The following WDPCP variants were observed in gnomAD, a reference collection of about 807,000 sequenced individuals.
WDPCP encodes WD repeat-containing and planar cell polarity effector protein fritz homolog.
In WDPCP, 71 loss-of-function variants were observed where a neutral mutation model predicts 93.1. The ratio of observed to expected loss-of-function variants is 0.76; its 90% CI spans 0.63 to 0.93. The LOEUF (loss-of-function observed/expected upper bound fraction) is 0.93, where lower values mean the gene tolerates loss of function less well. WDPCP is among the 40% of genes least tolerant of loss of function. The probability of loss-of-function intolerance (pLI) is 0.00; values close to 1 mark genes in which losing one functional copy is unlikely to be tolerated. For missense variants in WDPCP, 844 were observed against 887.4 expected, an observed-to-expected ratio of 0.95 and a Z score of 0.62; for synonymous variants, 315 against 315.0, an observed-to-expected ratio of 1.00 and a Z score of 0.00.
chr2:63,377,513 ATTT>A (rs956355803), intron 12 of WDPCP, among the ~76,000 whole-genome samples: 11 of 150,870 alleles, frequency 7.3e-5, no homozygotes, highest in South Asian at 2.1e-4. Context: ...TTTAAAAATA[ATTT>A]TTTATTTTTA....
chr2:63,807,537 T>C (rs1488257433), intron 2 of WDPCP, among the ~76,000 whole-genome samples: 1 of 152,196 alleles, frequency 6.6e-6, no homozygotes, highest in African/African-American at 2.4e-5. Context: ...ACGTCTTTTC[T>C]TCATAAATTA....
chr2:63,144,505 C>T (rs1313766644), intron 17 of WDPCP, among the ~76,000 whole-genome samples: 1 of 152,218 alleles, frequency 6.6e-6, no homozygotes, highest in Non-Finnish European at 1.5e-5. Context: ...CTGCCCGCCT[C>T]ACCCTCCCAA....
chr2:63,430,793 A>T (rs536515336), intron 9 of WDPCP, among the ~76,000 whole-genome samples: 25 of 152,324 alleles, frequency 1.6e-4, no homozygotes, highest in Non-Finnish European at 2.8e-4. Context: ...GGGGCAGGAT[A>T]ATCACTTGAA....
At chr2:63,652,198 C>A (rs1375760382) in intron 2 of WDPCP, among the ~76,000 whole-genome samples, 1 of 152,178 alleles carries the variant, frequency 6.6e-6, no homozygotes, top group East Asian at 1.9e-4. Flanking sequence ...GAACATTAGC[C>A]CAGTATAAGC....
intron 9 of WDPCP, among the ~76,000 whole-genome samples, chr2:63,424,646 C>T (rs1696128645): frequency 6.6e-6 from 1 of 152,182 alleles, no homozygotes; most frequent in Non-Finnish European, 1.5e-5. Flanking sequence ...CTCAGGGGAG[C>T]CAAGCTGAGA....
At chr2:63,715,455 A>C (rs947943219) in intron 2 of WDPCP, among the ~76,000 whole-genome samples, 2 of 152,218 alleles carry the variant, frequency 1.3e-5, no homozygotes, top group Non-Finnish European at 2.9e-5. Context: ...ATGAGAAGCT[A>C]CTTTAGCTAC....
chr2:63,535,766 A>AAAACCTAGG (rs1704229448), intron 1 of WDPCP, among the ~76,000 whole-genome samples: 1 of 152,238 alleles, frequency 6.6e-6, no homozygotes, highest in African/African-American at 2.4e-5. Flanking sequence ...GCCCTAGAAG[A>AAAACCTAGG]AAACCTAGGC....
intron 15 of WDPCP, among the ~76,000 whole-genome samples, chr2:63,165,888 A>G (rs553231878): frequency 3.3e-5 from 5 of 151,522 alleles, no homozygotes; most frequent in South Asian, 2.1e-4. Context: ...TTGTTGTTTC[A>G]AAAACATTTG....
intron 14 of WDPCP, among the ~76,000 whole-genome samples, chr2:63,175,162 T>G (rs903681318): frequency 2.0e-5 from 3 of 152,154 alleles, no homozygotes. Context: ...CTTGGAATAT[T>G]GCAGGAAGTG....
At chr2:63,410,767 T>C (rs905603133) in intron 9 of WDPCP, among the ~76,000 whole-genome samples, 1 of 152,148 alleles carries the variant, frequency 6.6e-6, no homozygotes, top group Non-Finnish European at 1.5e-5. Flanking sequence ...AAATAAACTT[T>C]AAAGCAACAG....
chr2:63,791,345 T>TCC (rs1395010685), intron 2 of WDPCP, among the ~76,000 whole-genome samples: 1 of 152,198 alleles, frequency 6.6e-6, no homozygotes, highest in African/African-American at 2.4e-5. Context: ...TGCTCCAATC[T>TCC]CCGTTCCTTA....
intron 6 of WDPCP, among the ~76,000 whole-genome samples, chr2:63,464,489 A>T (rs919843789): frequency 1.3e-5 from 2 of 152,138 alleles, no homozygotes; most frequent in African/African-American, 4.8e-5. Context: ...TCCTCAAAAA[A>T]TTAAAAATAG....
chr2:63,141,105 A>G (rs1335786233), intron 17 of WDPCP, among the ~76,000 whole-genome samples: 1 of 150,970 alleles, frequency 6.6e-6, no homozygotes, highest in Non-Finnish European at 1.5e-5. Context: ...TTTGAGACAG[A>G]GTCTCACTCT....
chr2:63,355,854 C>T (rs1455692381), intron 12 of WDPCP, among the ~76,000 whole-genome samples: 1 of 152,184 alleles, frequency 6.6e-6, no homozygotes, highest in Non-Finnish European at 1.5e-5. Flanking sequence ...TGCCACTGCA[C>T]TCCAGCCTGG....
At chr2:63,713,976 T>C (rs957931832) in intron 2 of WDPCP, among the ~76,000 whole-genome samples, 1 of 152,194 alleles carries the variant, frequency 6.6e-6, no homozygotes, top group Non-Finnish European at 1.5e-5. Flanking sequence ...TCCAAGTATA[T>C]TTTGGTTCTG....
intron 2 of WDPCP, among the ~76,000 whole-genome samples, chr2:63,713,940 A>G (rs1668107943): frequency 1.3e-5 from 2 of 151,786 alleles, no homozygotes; most frequent in African/African-American, 4.8e-5. Context: ...ATTTATAGAG[A>G]TTGTGGTTAT....
At chr2:63,127,091 T>C (rs1217430381) in intron 17 of WDPCP, among the ~76,000 whole-genome samples, 1 of 151,632 alleles carries the variant, frequency 6.6e-6, no homozygotes, top group Non-Finnish European at 1.5e-5. Flanking sequence ...AGATCATAAA[T>C]GCTGAGATAA....
chr2:63,122,486 A>G (rs930649353), intron 17 of WDPCP, among the ~76,000 whole-genome samples: 5 of 152,214 alleles, frequency 3.3e-5, no homozygotes, highest in African/African-American at 9.6e-5. Context: ...ATAATAGTTT[A>G]TAAAATAGAA....
chr2:63,645,855 A>G (rs1478877850), intron 3 of WDPCP, among the ~76,000 whole-genome samples: 2 of 152,150 alleles, frequency 1.3e-5, no homozygotes, highest in Non-Finnish European at 2.9e-5. Context: ...AGCATGGACT[A>G]TCATTTTCCA....
Sources: gnomAD v4.1 joint callset for allele counts (sites outside exome capture counted in the v4.1 genomes callset) on GRCh38, gnomAD v4.1.1 for gene constraint, MANE v1.5 for transcripts, NCBI Gene and HGNC (gene_info 2026-07-23, HGNC 2026-07-21) for gene names.